ZMYM4: variants seen among roughly 807,000 people sequenced by gnomAD.
ZMYM4 encodes zinc finger MYM-type containing 4.
A neutral mutation model predicts 183.2 loss-of-function variants in ZMYM4; 31 were observed. The ratio of observed to expected loss-of-function variants is 0.17; its 90% CI spans 0.13 to 0.23. The LOEUF is 0.23. ZMYM4 is among the 10% of genes least tolerant of loss of function. The probability of loss-of-function intolerance (pLI) is 1.00; values close to 1 mark genes in which losing one functional copy is unlikely to be tolerated. For synonymous variants in ZMYM4, 592 were observed against 631.2 expected (o/e 0.94, Z 0.93); for missense variants, 1,273 against 1,840.3 (o/e 0.69, Z 5.64).
At chr1:35,373,526 C>T (rs1055287068) in intron 7 of ZMYM4, among the ~76,000 whole-genome samples, 4 of 150,498 alleles carry the variant, frequency 2.7e-5, no homozygotes, top group Admixed American at 2.0e-4. Flanking sequence ...TACAGGCATC[C>T]GCCACCATGC....
rs150687518 is a variant in ZMYM4 at position 35,352,937 on chromosome 1, C to T, written c.86-5988C>T. ...TGTCTCATTTCTTGGCCAGTCTTCT[C>T]TTAACTACAGGCTAATATATCCAAC... On this transcript the variant is annotated intron_variant, in intron 2 of 29. Transcript: ENST00000314607. Among the ~76,000 whole-genome samples the T allele has an allele frequency of 3.9e-3, 595 of 152,302 alleles. 3 individuals are homozygous for T. Among genetic ancestry groups the T allele is most frequent in the Non-Finnish European group, 4.8e-3 (327 of 68,018 alleles).
chr1:35,386,552 A>T (rs550556932), intron 11 of ZMYM4, among the ~76,000 whole-genome samples: 1 of 152,270 alleles, frequency 6.6e-6, no homozygotes, highest in Admixed American at 6.5e-5. Flanking sequence ...TCCTCCCCCA[A>T]CATTGGGGAT....
chr1:35,392,427 G>C, intron 16 of ZMYM4, 75 bp downstream of exon 16: 1 of 1,531,098 alleles, frequency 6.5e-7, no homozygotes, highest in Non-Finnish European at 8.8e-7. Context: ...CCTTTCATCA[G>C]GGATTATTTT....
chr1:35,273,298 C>G (rs1035002263), intron 1 of ZMYM4, among the ~76,000 whole-genome samples: 4 of 152,256 alleles, frequency 2.6e-5, no homozygotes, highest in African/African-American at 9.6e-5. Context: ...CACACACACA[C>G]ACTTTAAAGT....
At chr1:35,358,350 A>G (rs1643875444) in intron 2 of ZMYM4, among the ~76,000 whole-genome samples, 1 of 152,168 alleles carries the variant, frequency 6.6e-6, no homozygotes, top group African/African-American at 2.4e-5. Flanking sequence ...TTTATGTGTA[A>G]GTATTAACTG....
chr1:35,358,327 G>T (rs182805120), intron 2 of ZMYM4, among the ~76,000 whole-genome samples: 364 of 152,216 alleles, frequency 2.4e-3, no homozygotes, highest in South Asian at 6.4e-3. Flanking sequence ...TTCTAGGTTG[G>T]ATAAAATTTA....
intron 1 of ZMYM4, among the ~76,000 whole-genome samples, chr1:35,302,608 A>G (rs974934342): frequency 2.4e-4 from 37 of 151,944 alleles, no homozygotes; most frequent in Admixed American, 2.1e-3. Context: ...GATGGTCTCG[A>G]TCTCCTGACC....
At chr1:35,317,333 T>A (rs1642091353) in intron 1 of ZMYM4, among the ~76,000 whole-genome samples, 1 of 151,882 alleles carries the variant, frequency 6.6e-6, no homozygotes, top group Non-Finnish European at 1.5e-5. Context: ...CTCAGGAGGC[T>A]GAGCCAAGAG....
chr1:35,352,263 G>GTGCA (rs1643640181), intron 2 of ZMYM4, among the ~76,000 whole-genome samples: 1 of 69,420 alleles, frequency 1.4e-5, no homozygotes. Flanking sequence ...GCGCGCACGC[G>GTGCA]CGCGCGCACA....
intron 1 of ZMYM4, among the ~76,000 whole-genome samples, chr1:35,308,681 C>T (rs1292498674): frequency 2.6e-5 from 4 of 152,014 alleles, no homozygotes; most frequent in South Asian, 2.1e-4. Context: ...GGCAACATGG[C>T]GAAACCCTGT....
At chr1:35,282,075 A>G (rs1344514167) in intron 1 of ZMYM4, among the ~76,000 whole-genome samples, 1 of 152,164 alleles carries the variant, frequency 6.6e-6, no homozygotes, top group Non-Finnish European at 1.5e-5. Flanking sequence ...CCTTTTGGCT[A>G]TTGTAAGTAA....
chr1:35,368,465 C>T (rs1644139166), intron 5 of ZMYM4, among the ~76,000 whole-genome samples: 1 of 151,968 alleles, frequency 6.6e-6, no homozygotes, highest in Non-Finnish European at 1.5e-5. Flanking sequence ...ACAAATGCTA[C>T]TGAGAGTTAA....
chr1:35,416,442 T>C (rs909350210), intron 28 of ZMYM4, among the ~76,000 whole-genome samples: 10 of 152,254 alleles, frequency 6.6e-5, no homozygotes, highest in African/African-American at 2.4e-4. Context: ...TGTTCAACTT[T>C]GTATAAACTT....
At chr1:35,271,933 A>G (rs1015700861) in intron 1 of ZMYM4, among the ~76,000 whole-genome samples, 1 of 152,210 alleles carries the variant, frequency 6.6e-6, no homozygotes, top group Non-Finnish European at 1.5e-5. Flanking sequence ...ACTGCTCTCC[A>G]GCCTGGGTGA....
intron 9 of ZMYM4, among the ~76,000 whole-genome samples, chr1:35,384,513 T>C (rs142403595): frequency 5.9e-5 from 9 of 152,194 alleles, no homozygotes; most frequent in Non-Finnish European, 8.8e-5. Context: ...CCTAATTGGG[T>C]GAAGACTTAA....
At position 35,421,709 on chromosome 1, in the gene ZMYM4, A is replaced by G. The variant is rs1181621975; in HGVS notation, c.*2032A>G. The G allele has an allele frequency of 1.3e-5, 2 of 152,186 alleles. No homozygotes were observed. The highest frequency in any genetic ancestry group is 1.3e-4 in the Admixed American group (2 of 15,276). 9.4% of individuals were successfully genotyped at this position (152,186 alleles called of 1,614,324 possible). On this transcript the variant is annotated 3_prime_UTR_variant, in exon 30 of 30. Transcript: ENST00000314607. ...TATTCATAAGAGAAAATATTGATTA[A>G]TTATTGGTCATTCCTCATAAGTGTA...
chr1:35,321,683 A>G (rs1642287672), intron 1 of ZMYM4, among the ~76,000 whole-genome samples: 1 of 151,910 alleles, frequency 6.6e-6, no homozygotes, highest in Non-Finnish European at 1.5e-5. Context: ...TACCTACCTT[A>G]TGAGATTTTT....
At chr1:35,414,359 G>A (rs1640028394) in intron 27 of ZMYM4, among the ~76,000 whole-genome samples, 1 of 152,166 alleles carries the variant, frequency 6.6e-6, no homozygotes. Flanking sequence ...TAGCATTGGT[G>A]TAGCTTTCAC....
At chr1:35,313,237 G>C (rs1641883180) in intron 1 of ZMYM4, among the ~76,000 whole-genome samples, 1 of 152,068 alleles carries the variant, frequency 6.6e-6, no homozygotes, top group East Asian at 1.9e-4. Context: ...GTTTCACCAT[G>C]TTGGCCAGGC....
Sources: gnomAD v4.1 joint callset for allele counts (sites outside exome capture counted in the v4.1 genomes callset) on GRCh38, gnomAD v4.1.1 for gene constraint, MANE v1.5 for transcripts, NCBI Gene and HGNC (gene_info 2026-07-23, HGNC 2026-07-21) for gene names.